FOXK1: variants seen among roughly 807,000 people sequenced by gnomAD.
FOXK1 encodes the protein forkhead box K1.
FOXK1 carries 19 observed loss-of-function variants against 51.9 expected under a neutral mutation model. The ratio of observed to expected loss-of-function variants is 0.37; its 90% CI spans 0.26 to 0.54. The LOEUF (loss-of-function observed/expected upper bound fraction) is 0.54. FOXK1 is among the 20% of genes least tolerant of loss of function. The pLI is 0.87. For synonymous variants in FOXK1, 537 were observed against 482.6 expected, an observed-to-expected ratio of 1.11 and a Z score of -1.48; for missense variants, 870 against 1,032.7, an observed-to-expected ratio of 0.84 and a Z score of 2.16.
In FOXK1 at chr7:4,750,591, C is replaced by T. The variant is rs564479722; in HGVS notation, c.747-3868C>T. 4.0e-5 allele frequency among the ~76,000 whole-genome samples: 6 copies of T among 151,792 alleles called. No homozygotes were observed. In the East Asian group the frequency reaches 7.8e-4, roughly 20 times the overall value. On this transcript the variant is annotated intron_variant, in intron 2 of 8. Transcript: ENST00000328914. ...CCAAGTAGCTGGGACTACAAGTGCC[C>T]GCCACCACACCCAGCTAATTTTGTT... is the stretch of plus-strand genomic sequence containing the variant.
rs1056824008 is a variant in FOXK1, at chr7:4,755,993, A to T, written c.1050+610A>T. 2.6e-5 allele frequency among the ~76,000 whole-genome samples: 4 copies of T among 152,160 alleles called. No homozygotes were observed. The highest frequency in any genetic ancestry group is 2.0e-4 in the Admixed American group (3 of 15,286). On this transcript the variant is annotated intron_variant, in intron 4 of 8. Transcript: ENST00000328914. This position sits in a 1 kb window ranked among gnomAD's most constrained non-coding sequence, Gnocchi z 6.6. ...ATATACTGTTATTCAAACAATCCAC[A>T]TGTCTGAATTGTGGATGGCATTTTA...
In FOXK1 at chr7:4,722,816, G is replaced by A. The variant is rs1239561110; in HGVS notation, c.561-18022G>A. 6.6e-6 allele frequency among the ~76,000 whole-genome samples: 1 copy of A among 152,124 alleles called. No individual in the cohort carries two copies. The highest frequency in any genetic ancestry group is 1.9e-4 in the East Asian group (1 of 5,188). ...TGGCCACAGGCCTCCACAGCCCTCT[G>A]CTGTGTCTGTGCACCTTCTCCATCC... On this transcript the variant is annotated intron_variant, in intron 1 of 8. Coordinates refer to ENST00000328914, the MANE Select transcript of FOXK1 (RefSeq NM_001037165.2). The surrounding 1 kb of genome is among the most constrained non-coding windows in gnomAD (Gnocchi z 5.1).
At chr7:4,719,724 C>T (rs749708803) in intron 1 of FOXK1, among the ~76,000 whole-genome samples, 3 of 152,068 alleles carry the variant, frequency 2.0e-5, no homozygotes, top group Non-Finnish European at 4.4e-5. Flanking sequence ...TCAGGTGATC[C>T]ACCCGCTTTG....
Position 4,748,331 on chromosome 7 carries a change from A to G in FOXK1, c.747-6128A>G, listed in dbSNP as rs1203680871. 1.3e-5 allele frequency among the ~76,000 whole-genome samples: 2 copies of G among 152,136 alleles called. No individual in the cohort carries two copies. Among genetic ancestry groups the G allele is most frequent in the East Asian group, 1.9e-4 (1 of 5,184 alleles). On this transcript the variant is annotated intron_variant, in intron 2 of 8. Coordinates refer to ENST00000328914, the MANE Select transcript of FOXK1 (RefSeq NM_001037165.2). This position sits in a 1 kb window ranked among gnomAD's most constrained non-coding sequence, Gnocchi z 4.9. ...GTTCCTATATGGAAATTAAGGATTT[A>G]GCTTCCCCCCTCCCCATCCCAGTAA... is the stretch of plus-strand genomic sequence containing the variant.
At chr7:4,695,586 C>T (rs1010742718) in intron 1 of FOXK1, among the ~76,000 whole-genome samples, 1 of 152,138 alleles carries the variant, frequency 6.6e-6, no homozygotes, top group Non-Finnish European at 1.5e-5. Context: ...GAGAGGATCA[C>T]AGGTCAGGAG....
rs1273594259 is a variant in FOXK1 at position 4,767,521 on chromosome 7, C to G, written c.*5057C>G. 6.6e-6 allele frequency: 1 copy of G among 152,260 alleles called. No homozygotes were observed. Among genetic ancestry groups the G allele is most frequent in the Non-Finnish European group, 1.5e-5 (1 of 68,054 alleles). 9.4% of individuals were successfully genotyped at this position (152,260 alleles called of 1,614,324 possible). On this transcript the variant is annotated 3_prime_UTR_variant, in exon 9 of 9. Coordinates refer to ENST00000328914, the MANE Select transcript of FOXK1 (RefSeq NM_001037165.2). This position sits in a 1 kb window ranked among gnomAD's most constrained non-coding sequence, Gnocchi z 6.6. The stretch of plus-strand genomic sequence containing the variant: ...TAATGAGAATACTTTACATTGCTCA[C>G]ATGTGCTGCTATGAAGACAGGATTA...
rs988020728 is a variant in FOXK1 at position 4,747,156 on chromosome 7, G to A, written c.746+6133G>A. The stretch of plus-strand genomic sequence containing the variant: ...CGCCCGCGTTTCCTGTAATCTCGGA[G>A]GGTCCTAGCGCCCGACTTCTCAGGT... On this transcript the variant is annotated intron_variant, in intron 2 of 8. Coordinates refer to ENST00000328914, the MANE Select transcript of FOXK1 (RefSeq NM_001037165.2). This position sits in a 1 kb window ranked among gnomAD's most constrained non-coding sequence, Gnocchi z 9.2. Among the ~76,000 whole-genome samples, 1 of 152,240 alleles carries A rather than the reference G, an allele frequency of 6.6e-6. No homozygotes were observed. Among genetic ancestry groups the A allele is most frequent in the Non-Finnish European group, 1.5e-5 (1 of 68,046 alleles).
chr7:4,750,496 G>A (rs529779779), intron 2 of FOXK1, among the ~76,000 whole-genome samples: 46 of 151,066 alleles, frequency 3.0e-4, no homozygotes, highest in African/African-American at 1.0e-3. Context: ...AGGCTGGAGT[G>A]CAGTGGCACG....
chr7:4,750,980 C>G (rs1314398307), intron 2 of FOXK1, among the ~76,000 whole-genome samples: 1 of 150,944 alleles, frequency 6.6e-6, no homozygotes, highest in African/African-American at 2.4e-5. Flanking sequence ...GCTGGGATTA[C>G]AGGCGTGAGC....
rs535831986 is a variant in FOXK1, at chr7:4,767,814, C to G, written c.*5350C>G. 12 of 151,856 alleles carry G rather than the reference C, an allele frequency of 7.9e-5. No homozygotes were observed. Among genetic ancestry groups the G allele is most frequent in the African/African-American group, 2.9e-4 (12 of 41,392 alleles). 9.4% of individuals were successfully genotyped at this position (151,856 alleles called of 1,614,324 possible). On this transcript the variant is annotated 3_prime_UTR_variant, in exon 9 of 9. Coordinates refer to ENST00000328914, the MANE Select transcript of FOXK1 (RefSeq NM_001037165.2). This position sits in a 1 kb window ranked among gnomAD's most constrained non-coding sequence, Gnocchi z 6.6. The stretch of plus-strand genomic sequence containing the variant: ...ACGAAAAGCTGCTACGTTTGGTGAC[C>G]AGAGGGAGGGTTTGGAATCTGTGCT...
chr7:4,690,841 G>C (rs1199862166), intron 1 of FOXK1, among the ~76,000 whole-genome samples: 1 of 152,172 alleles, frequency 6.6e-6, no homozygotes, highest in Admixed American at 6.6e-5. Context: ...GAATGTCAGA[G>C]GATAAACTTG....
In FOXK1 at chr7:4,745,421, G is replaced by A. The variant is rs1446230303; in HGVS notation, c.746+4398G>A. Among the ~76,000 whole-genome samples the A allele has an allele frequency of 6.6e-6, 1 of 151,592 alleles. No individual in the cohort carries two copies. The highest frequency in any genetic ancestry group is 1.5e-5 in the Non-Finnish European group (1 of 67,924). ...CGTCCTTCCTTTCCGTTTCTCGCAG[G>A]CCCTCGCTCCTTTTCCCAGGGTGGG... On this transcript the variant is annotated intron_variant, in intron 2 of 8. Coordinates refer to ENST00000328914, the MANE Select transcript of FOXK1 (RefSeq NM_001037165.2). This position sits in a 1 kb window ranked among gnomAD's most constrained non-coding sequence, Gnocchi z 4.3.
At chr7:4,699,019 C>T (rs949461588) in intron 1 of FOXK1, among the ~76,000 whole-genome samples, 3 of 152,218 alleles carry the variant, frequency 2.0e-5, no homozygotes, top group Non-Finnish European at 4.4e-5. Context: ...GTCCCAGTAT[C>T]GCCCAGTGCA....
At chr7:4,742,033 C>T (rs1012197094) in intron 2 of FOXK1, among the ~76,000 whole-genome samples, 2 of 152,260 alleles carry the variant, frequency 1.3e-5, no homozygotes, top group African/African-American at 4.8e-5. Context: ...TGGCTTTTCT[C>T]TCCCAACCGC....
intron 3 of FOXK1, chr7:4,754,834 C>G (rs758584115): frequency 1.5e-6 from 1 of 652,408 alleles, no homozygotes. Context: ...ACAGGGGTGG[C>G]GCCGTCACCG....
rs187296215 is a variant in FOXK1, at chr7:4,758,270, C to G, written c.1245-781C>G. 2.0e-5 allele frequency: 3 copies of G among 152,340 alleles called. No individual in the cohort carries two copies. Among genetic ancestry groups the G allele is most frequent in the African/African-American group, 7.2e-5 (3 of 41,472 alleles). The allele number at this position is 152,340 out of a possible 1,614,324, so 9.4% of individuals were successfully genotyped here. The stretch of plus-strand genomic sequence containing the variant: ...CCCTCCCCCAGCCATTGCTGCCCAC[C>G]TGCTGCGTCAGGGCCTCCCCTGCCC... On this transcript the variant is annotated intron_variant, in intron 5 of 8. Coordinates refer to ENST00000328914, the MANE Select transcript of FOXK1 (RefSeq NM_001037165.2). The surrounding 1 kb of genome is among the most constrained non-coding windows in gnomAD (Gnocchi z 4.4).
rs1780718508 is a variant in FOXK1, at chr7:4,747,398, G to A, written c.746+6375G>A. On this transcript the variant is annotated intron_variant, in intron 2 of 8. Coordinates refer to ENST00000328914, the MANE Select transcript of FOXK1 (RefSeq NM_001037165.2). This position sits in a 1 kb window ranked among gnomAD's most constrained non-coding sequence, Gnocchi z 9.2. ...GCTCTGTGAGGTCTATGCCTAACATGAGAGCAGCTCCTGTTGAAGCCACCA... is the reference window on the plus strand; with the variant it reads ...GCTCTGTGAGGTCTATGCCTAACATAAGAGCAGCTCCTGTTGAAGCCACCA... 6.6e-6 allele frequency among the ~76,000 whole-genome samples: 1 copy of A among 152,224 alleles called. No homozygotes were observed. The highest frequency in any genetic ancestry group is 6.5e-5 in the Admixed American group (1 of 15,288).
rs1779767025 is a variant in FOXK1 at position 4,682,674 on chromosome 7, C to T, written c.366C>T (p.Ser122=). The T allele has an allele frequency of 6.3e-7, 1 of 1,595,232 alleles. No homozygotes were observed. Among genetic ancestry groups the T allele is most frequent in the Non-Finnish European group, 8.5e-7 (1 of 1,175,626 alleles). ...TCGAGTTCCTCATGCGCCAGCCCAGCGTCACCATCGGCCGCAACTCGTCGC... is the reference window on the plus strand; with the variant it reads ...TCGAGTTCCTCATGCGCCAGCCCAGTGTCACCATCGGCCGCAACTCGTCGC... ...REFEFLMRQP[S]VTIGRNSSQG... is the part of the protein sequence containing the mutation. The change falls in exon 1 of 9, where the codon AGC becomes AGT. Residue 122 remains serine, a synonymous_variant. Coordinates refer to ENST00000328914, the MANE Select transcript of FOXK1 (RefSeq NM_001037165.2). This position sits in a 1 kb window ranked among gnomAD's most constrained non-coding sequence, Gnocchi z 7.6.
At chr7:4,724,618 G>T (rs866773959) in intron 1 of FOXK1, among the ~76,000 whole-genome samples, 1 of 152,226 alleles carries the variant, frequency 6.6e-6, no homozygotes, top group East Asian at 1.9e-4. Flanking sequence ...TGTGCGCTGC[G>T]TGGCTCCACG....
Sources: gnomAD v4.1 joint callset for allele counts (sites outside exome capture counted in the v4.1 genomes callset) on GRCh38, gnomAD v4.1.1 for gene constraint, Gnocchi (gnomAD v3.1) non-coding constraint, MANE v1.5 for transcripts, NCBI Gene and HGNC (gene_info 2026-07-23, HGNC 2026-07-21) for gene names.